The following KIF26B variants were observed in gnomAD, a reference collection of about 807,000 sequenced individuals.
KIF26B encodes kinesin-like protein KIF26B.
Under a neutral mutation model 151.2 loss-of-function variants are expected in KIF26B, and 63 were observed. The observed-to-expected ratio is 0.42, with a 90% CI of 0.34 to 0.51. The LOEUF (loss-of-function observed/expected upper bound fraction) is 0.51. KIF26B is among the 20% of genes least tolerant of loss of function. The probability of loss-of-function intolerance (pLI) is 0.07; values close to 1 mark genes in which losing one functional copy is unlikely to be tolerated. For synonymous variants in KIF26B, 1,357 were observed against 1,262.1 expected, an observed-to-expected ratio of 1.08 and a Z score of -1.59; for missense variants, 2,813 against 2,913.6, an observed-to-expected ratio of 0.97 and a Z score of 0.79.
chr1:245,190,392 CTG>C (rs1466425383), intron 2 of KIF26B, among the ~76,000 whole-genome samples: 1 of 152,098 alleles, frequency 6.6e-6, no homozygotes, highest in Non-Finnish European at 1.5e-5. Context: ...TCCTGTAACA[CTG>C]GCTGCAGGGT....
chr1:245,283,857 T>A (rs1671113708), intron 2 of KIF26B, among the ~76,000 whole-genome samples: 1 of 152,102 alleles, frequency 6.6e-6, no homozygotes, highest in Admixed American at 6.5e-5. Flanking sequence ...CTGGGCAATT[T>A]TTGTATTATT....
chr1:245,245,781 G>A (rs1670316869), intron 2 of KIF26B, among the ~76,000 whole-genome samples: 1 of 152,068 alleles, frequency 6.6e-6, no homozygotes, highest in African/African-American at 2.4e-5. Flanking sequence ...ATACAAAAAA[G>A]CCGGGCGTGG....
At chr1:245,449,311 G>A (rs781430849) in intron 4 of KIF26B, among the ~76,000 whole-genome samples, 1 of 152,148 alleles carries the variant, frequency 6.6e-6, no homozygotes, top group African/African-American at 2.4e-5. Flanking sequence ...ACCAGTGAGA[G>A]CAATTTACAA....
chr1:245,464,630 G>C (rs972319899), intron 4 of KIF26B, among the ~76,000 whole-genome samples: 1 of 149,748 alleles, frequency 6.7e-6, no homozygotes, highest in African/African-American at 2.5e-5. Context: ...GTGTGTGCAT[G>C]TTTGGCACCG....
chr1:245,643,586 T>A (rs1299930753), intron 9 of KIF26B, among the ~76,000 whole-genome samples: 1 of 152,206 alleles, frequency 6.6e-6, no homozygotes, highest in Non-Finnish European at 1.5e-5. Context: ...TTTGTTTTAA[T>A]AATAATCTTT....
intron 2 of KIF26B, among the ~76,000 whole-genome samples, chr1:245,187,732 T>C (rs4658720): frequency 6.6e-6 from 1 of 152,150 alleles, no homozygotes; most frequent in East Asian, 1.9e-4. Flanking sequence ...GAGGGGGAGG[T>C]TGATGAGAGT....
chr1:245,432,278 A>G (rs1003032542), intron 4 of KIF26B, among the ~76,000 whole-genome samples: 3 of 152,316 alleles, frequency 2.0e-5, no homozygotes, highest in Admixed American at 1.3e-4. Flanking sequence ...CCACATGCTC[A>G]GGAATTAAAG....
chr1:245,263,624 G>A (rs1670691419), intron 2 of KIF26B, among the ~76,000 whole-genome samples: 1 of 152,218 alleles, frequency 6.6e-6, no homozygotes, highest in Non-Finnish European at 1.5e-5. Context: ...TCAGGACTCA[G>A]GTTAATTGGT....
At chr1:245,287,783 G>A (rs866569835) in intron 2 of KIF26B, among the ~76,000 whole-genome samples, 6 of 152,060 alleles carry the variant, frequency 3.9e-5, no homozygotes, top group Non-Finnish European at 8.8e-5. Flanking sequence ...GATTACAGGC[G>A]TGAGGCACCG....
chr1:245,156,247 T>A, intron 1 of KIF26B, 35 bp from the exon 2 acceptor site: 2 of 1,538,464 alleles, frequency 1.3e-6, no homozygotes, highest in Non-Finnish European at 1.7e-6. Context: ...GCCCGCCGCC[T>A]TGCAGCCCCT....
chr1:245,506,692 T>C (rs1233756119), intron 4 of KIF26B, among the ~76,000 whole-genome samples: 1 of 152,200 alleles, frequency 6.6e-6, no homozygotes, highest in Non-Finnish European at 1.5e-5. Context: ...TTTGTTTGTT[T>C]GTTTTGTGAC....
At chr1:245,556,328 C>CCTCCTTCCTCCCTCCTCCTCCTCCTTCTT (rs1662033086) in intron 5 of KIF26B, among the ~76,000 whole-genome samples, 2 of 123,470 alleles carry the variant, frequency 1.6e-5, no homozygotes, top group South Asian at 2.6e-4. Context: ...TCTTCTTCCT[C>CCTCCTTCCTCCCTCCTCCTCCTCCTTCTT]CTTCTTCCTC....
At chr1:245,690,377 A>T (rs2044608657) in intron 12 of KIF26B, among the ~76,000 whole-genome samples, 1 of 152,164 alleles carries the variant, frequency 6.6e-6, no homozygotes, top group African/African-American at 2.4e-5. Flanking sequence ...ATGTGGAAGT[A>T]AAAGATGGGG....
In KIF26B at chr1:245,231,174, A is replaced by G. The variant is rs367894208; in HGVS notation, c.465+74491A>G. On this transcript the variant is annotated intron_variant, in intron 2 of 14. Transcript: ENST00000407071. The stretch of plus-strand genomic sequence containing the variant: ...GCTAGGCAAAGAAAGTCCAACACAC[A>G]AAATTGAAGTTGAAGAACAAGCAGA... Among the ~76,000 whole-genome samples the G allele has an allele frequency of 2.0e-4, 30 of 152,306 alleles. No individual in the cohort carries two copies. The South Asian group carries it at 6.0e-3, about 31-fold the overall frequency.
intron 2 of KIF26B, among the ~76,000 whole-genome samples, chr1:245,203,697 C>T (rs1044551540): frequency 1.3e-5 from 2 of 152,180 alleles, no homozygotes; most frequent in Non-Finnish European, 2.9e-5. Flanking sequence ...TGCGCTTCCT[C>T]TCCCTGCTCC....
intron 4 of KIF26B, among the ~76,000 whole-genome samples, chr1:245,422,493 G>T (rs1658512485): frequency 6.6e-6 from 1 of 152,164 alleles, no homozygotes; most frequent in African/African-American, 2.4e-5. Context: ...GTACCTGACA[G>T]TTAGGTCCCC....
chr1:245,519,385 C>T (rs1207857771), intron 4 of KIF26B, among the ~76,000 whole-genome samples: 1 of 152,000 alleles, frequency 6.6e-6, no homozygotes, highest in Non-Finnish European at 1.5e-5. Context: ...GAAACCCCAT[C>T]TCTACTAAAA....
At chr1:245,562,602 C>T (rs931772595) in intron 5 of KIF26B, among the ~76,000 whole-genome samples, 3 of 150,752 alleles carry the variant, frequency 2.0e-5, no homozygotes, top group African/African-American at 7.3e-5. Context: ...CCCCCTTCCC[C>T]CATGCTCTTC....
At position 245,350,568 on chromosome 1, in the gene KIF26B, C is replaced by G. The variant is rs763520833; in HGVS notation, c.466-16266C>G. ...CAGCTGATCTTTGACCATGGGTAGA[C>G]TCTGGTCTACCATATGACCTGGGAC... On this transcript the variant is annotated intron_variant, in intron 2 of 14. Transcript: ENST00000407071. 4.7e-4 allele frequency among the ~76,000 whole-genome samples: 71 copies of G among 149,738 alleles called. 1 individual carries two copies. Among genetic ancestry groups the G allele is most frequent in the Middle Eastern group, 3.4e-3 (1 of 294 alleles).
Sources: gnomAD v4.1 joint callset for allele counts (sites outside exome capture counted in the v4.1 genomes callset) on GRCh38, gnomAD v4.1.1 for gene constraint, MANE v1.5 for transcripts, NCBI Gene and HGNC (gene_info 2026-07-23, HGNC 2026-07-21) for gene names.